Variants in IL20RB observed in about 807,000 individuals in gnomAD.
IL20RB encodes the protein interleukin-20 receptor subunit beta.
In IL20RB, 21 loss-of-function variants were observed where a neutral mutation model predicts 33.3. The observed-to-expected ratio is 0.63, with a 90% CI of 0.45 to 0.91. The LOEUF (loss-of-function observed/expected upper bound fraction) is 0.91, where lower values mean the gene tolerates loss of function less well. Ranked by LOEUF, IL20RB falls within the 40% of genes least tolerant of loss-of-function variation. IL20RB has a pLI of 0.00. For missense variants in IL20RB, 345 were observed against 384.8 expected (o/e 0.90, Z 0.86); for synonymous variants, 147 against 146.8 (o/e 1.00, Z -0.01).
intron 2 of IL20RB, among the ~76,000 whole-genome samples, chr3:136,981,449 A>G (rs1054039994): frequency 3.3e-5 from 5 of 152,136 alleles, no homozygotes; most frequent in Non-Finnish European, 5.9e-5. Context: ...GGAATTTTGG[A>G]TAGTAATCAG....
intron 2 of IL20RB, among the ~76,000 whole-genome samples, chr3:136,981,735 C>T (rs1466800174): frequency 3.3e-5 from 5 of 152,204 alleles, no homozygotes; most frequent in African/African-American, 9.6e-5. Flanking sequence ...AAGGCCAAAG[C>T]ATCTTGTAAG....
chr3:136,976,138 C>T (rs1303372530), intron 1 of IL20RB, among the ~76,000 whole-genome samples: 2 of 152,156 alleles, frequency 1.3e-5, no homozygotes, highest in East Asian at 1.9e-4. Flanking sequence ...ACCTCAGGAC[C>T]CCAGAAGGAG....
intron 6 of IL20RB, among the ~76,000 whole-genome samples, chr3:137,007,093 G>A (rs835652): frequency 0.6 from 91,161 of 152,074 alleles, 27,833 homozygotes; most frequent in East Asian, 0.9. Flanking sequence ...GGTATCACCA[G>A]TGGGGGCTGT....
chr3:136,987,574 G>T lies in IL20RB; in HGVS notation c.407-1867G>T, dbSNP rs548247161. ...GCCGGTGGAGCTGCGTGCCAGTCCT[G>T]CGCCCTGCGTCCGCACTCCTCAGCC... On this transcript the variant is annotated intron_variant, in intron 3 of 6. Transcript: ENST00000329582. Among the ~76,000 whole-genome samples, 5 of 152,320 alleles carry T rather than the reference G, an allele frequency of 3.3e-5. No homozygotes were observed. In the East Asian group the frequency reaches 9.7e-4, roughly 30 times the overall value.
chr3:136,986,636 A>C, intron 3 of IL20RB: 1 of 456,362 alleles, frequency 2.2e-6, no homozygotes, highest in Non-Finnish European at 4.4e-6. Context: ...AGGCATAAAC[A>C]CTTCTCTGAT....
chr3:137,000,706 C>T (rs1942226140), intron 6 of IL20RB, among the ~76,000 whole-genome samples: 1 of 152,160 alleles, frequency 6.6e-6, no homozygotes. Flanking sequence ...TGGTAGGGAG[C>T]ATTTCTGGCT....
chr3:137,008,537 T>C (rs1407994551), intron 6 of IL20RB, among the ~76,000 whole-genome samples: 1 of 152,196 alleles, frequency 6.6e-6, no homozygotes, highest in African/African-American at 2.4e-5. Context: ...TGCTTGAAAA[T>C]TAGTTCTAAA....
chr3:136,974,507 C>A (rs1408099989), intron 1 of IL20RB, among the ~76,000 whole-genome samples: 1 of 152,144 alleles, frequency 6.6e-6, no homozygotes, highest in African/African-American at 2.4e-5. Context: ...GCTGAGAAAT[C>A]CACTGATGGG....
chr3:136,964,068 C>A (rs1941309541), intron 1 of IL20RB, among the ~76,000 whole-genome samples: 1 of 57,238 alleles, frequency 1.7e-5, no homozygotes, highest in African/African-American at 8.3e-5. Context: ...GTATATTTGC[C>A]ACATTTTCTT....
At chr3:136,970,795 G>C (rs1476022939) in intron 1 of IL20RB, among the ~76,000 whole-genome samples, 1 of 151,956 alleles carries the variant, frequency 6.6e-6, no homozygotes, top group Non-Finnish European at 1.5e-5. Flanking sequence ...TGGGACTACA[G>C]GCGTGTGCCA....
At chr3:136,987,948 C>G (rs968344026) in intron 3 of IL20RB, among the ~76,000 whole-genome samples, 6 of 152,306 alleles carry the variant, frequency 3.9e-5, no homozygotes, top group Admixed American at 3.9e-4. Context: ...CGTGCAGCCC[C>G]GGTTCCAGCT....
chr3:136,990,655 T>G (rs1942014282), intron 4 of IL20RB, among the ~76,000 whole-genome samples: 1 of 152,164 alleles, frequency 6.6e-6, no homozygotes, highest in East Asian at 1.9e-4. Flanking sequence ...GCTTCAGGGG[T>G]TGCTGGTAGC....
intron 1 of IL20RB, among the ~76,000 whole-genome samples, chr3:136,975,602 G>A (rs1419304420): frequency 6.6e-6 from 1 of 152,234 alleles, no homozygotes; most frequent in Non-Finnish European, 1.5e-5. Context: ...CTCCCAAAGT[G>A]CTGGGATTAC....
intron 2 of IL20RB, 46 bp downstream of exon 2, chr3:136,980,638 G>T: frequency 2.5e-6 from 4 of 1,611,082 alleles, no homozygotes; most frequent in Non-Finnish European, 3.4e-6. Context: ...GCAGAAGTTG[G>T]TTCCTGAAGG....
intron 5 of IL20RB, among the ~76,000 whole-genome samples, chr3:136,992,750 T>C (rs1399096059): frequency 6.6e-6 from 1 of 151,978 alleles, no homozygotes; most frequent in Non-Finnish European, 1.5e-5. Context: ...TATTTATTTA[T>C]TTTTCTTTCT....
At chr3:136,993,192 G>A (rs1942065283) in intron 5 of IL20RB, among the ~76,000 whole-genome samples, 4 of 152,090 alleles carry the variant, frequency 2.6e-5, no homozygotes, top group South Asian at 4.2e-4. Flanking sequence ...GCGAGACCTC[G>A]TCTCATTTTA....
At chr3:136,971,676 G>A (rs1263338636) in intron 1 of IL20RB, among the ~76,000 whole-genome samples, 1 of 152,050 alleles carries the variant, frequency 6.6e-6, no homozygotes, top group African/African-American at 2.4e-5. Flanking sequence ...TTCTTTTTAT[G>A]ACTGAATAAA....
chr3:136,958,643 A>T (rs1382037047), intron 1 of IL20RB, among the ~76,000 whole-genome samples: 1 of 152,182 alleles, frequency 6.6e-6, no homozygotes, highest in African/African-American at 2.4e-5. Flanking sequence ...ACTTATAAAA[A>T]TTGGATTTCT....
intron 1 of IL20RB, among the ~76,000 whole-genome samples, chr3:136,972,886 T>G (rs1236250654): frequency 6.6e-6 from 1 of 152,160 alleles, no homozygotes; most frequent in Non-Finnish European, 1.5e-5. Context: ...CATTGTTAGA[T>G]TGTTAATTTT....
Sources: allele counts gnomAD v4.1 joint callset (sites outside exome capture counted in the v4.1 genomes callset), GRCh38; gene constraint gnomAD v4.1.1; transcripts MANE v1.5; gene names NCBI Gene and HGNC (gene_info 2026-07-23, HGNC 2026-07-21).